The following ADGRF5 variants were observed in gnomAD, a reference collection of about 807,000 sequenced individuals.
The protein encoded by ADGRF5 is adhesion G protein-coupled receptor F5, also known as G-protein coupled receptor 116.
In ADGRF5, 75 loss-of-function variants were observed where a neutral mutation model predicts 132.3. That is an observed-to-expected ratio of 0.57 (90% CI 0.47 to 0.69). The LOEUF (loss-of-function observed/expected upper bound fraction) is 0.69, where lower values mean the gene tolerates loss of function less well. ADGRF5 is among the 30% of genes least tolerant of loss of function. ADGRF5 has a pLI of 0.00. For missense variants in ADGRF5, 1,516 were observed against 1,630.6 expected (o/e 0.93, Z 1.21); for synonymous variants, 629 against 597.6 (o/e 1.05, Z -0.77).
intron 3 of ADGRF5, among the ~76,000 whole-genome samples, chr6:46,896,600 T>C (rs1774203019): frequency 6.6e-6 from 1 of 152,088 alleles, no homozygotes; most frequent in Non-Finnish European, 1.5e-5. Context: ...TTAAAAGTAA[T>C]ATTAACATAA....
At chr6:46,892,336 T>G (rs1156658431) in intron 3 of ADGRF5, among the ~76,000 whole-genome samples, 1 of 152,212 alleles carries the variant, frequency 6.6e-6, no homozygotes, top group Non-Finnish European at 1.5e-5. Context: ...AGAACTTTGA[T>G]ATACAATTCC....
At chr6:46,896,525 T>G (rs1425847912) in intron 3 of ADGRF5, among the ~76,000 whole-genome samples, 1 of 152,176 alleles carries the variant, frequency 6.6e-6, no homozygotes, top group Non-Finnish European at 1.5e-5. Context: ...ATCGATTTTC[T>G]TTGTTTAAAT....
chr6:46,943,374 G>C (rs1329657846), intron 1 of ADGRF5, among the ~76,000 whole-genome samples: 1 of 152,128 alleles, frequency 6.6e-6, no homozygotes, highest in Non-Finnish European at 1.5e-5. Context: ...TTCACAAATA[G>C]GATATTCATT....
upstream of ADGRF5, among the ~76,000 whole-genome samples, chr6:46,925,132 C>T (rs1777185933): frequency 1.3e-5 from 2 of 152,212 alleles, no homozygotes; most frequent in Admixed American, 1.3e-4. Context: ...ATGATCTGCA[C>T]CACCTTCTCT....
chr6:46,854,310 A>G (rs1226695716), intron 20 of ADGRF5, among the ~76,000 whole-genome samples: 2 of 152,158 alleles, frequency 1.3e-5, no homozygotes, highest in African/African-American at 2.4e-5. Flanking sequence ...ACATCATACC[A>G]GCAGCCAGGT....
Position 46,853,993 on chromosome 6 carries a change from T to C in ADGRF5, c.4040A>G (p.Ter1347=), listed in dbSNP as rs1489400665. ...CACGTAGGTTGGATTATCCTGTTCT[T>C]AGTTGAGCAACGAAGAAGCACTGGA... is the stretch of plus-strand genomic sequence containing the variant. The part of the protein sequence containing the change: ...NSSSASSLLN[*] Residue 1347 remains the stop codon, a stop_retained_variant, in exon 21 of 21, where the codon TAA becomes TGA. Transcript: ENST00000283296. The C allele has an allele frequency of 6.2e-7, 1 of 1,600,610 alleles. No individual in the cohort carries two copies. The highest frequency in any genetic ancestry group is 1.4e-5 in the African/African-American group (1 of 74,004).
intron 20 of ADGRF5, 127 bp from the exon 21 acceptor site, chr6:46,854,198 C>G: frequency 1.7e-6 from 1 of 589,804 alleles, no homozygotes; most frequent in South Asian, 2.2e-5. Flanking sequence ...TGCCTGGAAA[C>G]CAACCCATAC....
At position 46,941,411 on chromosome 6, in the gene ADGRF5, G is replaced by GAAAAGAAAAGAA. The variant is rs1561838656; in HGVS notation, c.-25+13311_-25+13322dup. 5.0e-3 allele frequency among the ~76,000 whole-genome samples: 167 copies of GAAAAGAAAAGAA among 33,260 alleles called. 2 individuals are homozygous for GAAAAGAAAAGAA. The highest frequency in any genetic ancestry group is 0.021 in the East Asian group (15 of 716). The allele number at this position is 33,260 out of a possible 152,430, so 21.8% of individuals were successfully genotyped here. A position where few individuals can be genotyped will look rare whatever the true frequency, so the allele number is the denominator to read the frequency against. ...ACAAAGAAAAGAAAAGAAAAGAAAA[G>GAAAAGAAAAGAA]AAAAGAAAAGAAAAGAAAAGAAAAG... On this transcript the variant is annotated intron_variant, in intron 1 of 20. Transcript: ENST00000265417.
chr6:46,853,886 C>T lies in ADGRF5; in HGVS notation c.*106G>A. On this transcript the variant is annotated 3_prime_UTR_variant, in exon 21 of 21. Coordinates refer to ENST00000283296, the MANE Select transcript of ADGRF5 (RefSeq NM_001098518.2). ...GAAAAAGTCTTTTTGGCATCTGCTC[C>T]CGGAAACCTGCCCCGAGAACACGTT... 1 of 748,186 alleles carries T rather than the reference C, an allele frequency of 1.3e-6. No homozygotes were observed. The highest frequency in any genetic ancestry group is 3.9e-4 in the Middle Eastern group (1 of 2,584). 46.3% of individuals were successfully genotyped at this position (748,186 alleles called of 1,614,324 possible). A position where few individuals can be genotyped will look rare whatever the true frequency, so the allele number is the denominator to read the frequency against.
At chr6:46,866,080 C>T in intron 13 of ADGRF5, among the ~76,000 whole-genome samples, 1 of 152,186 alleles carries the variant, frequency 6.6e-6, no homozygotes, top group East Asian at 1.9e-4. Context: ...AGGGCACCAT[C>T]TACCAGAGAG....
chr6:46,911,737 G>A (rs546049316), intron 1 of ADGRF5, among the ~76,000 whole-genome samples: 4 of 152,038 alleles, frequency 2.6e-5, no homozygotes, highest in African/African-American at 9.7e-5. Flanking sequence ...ATTCATTTGT[G>A]TATTCCTTTA....
intron 1 of ADGRF5, among the ~76,000 whole-genome samples, chr6:46,941,463 AAAGAAAGAAAAGAAAAG>A (rs1778081483): frequency 2.2e-5 from 1 of 45,076 alleles, no homozygotes; most frequent in African/African-American, 6.2e-5. Context: ...AAAGAAAAGA[AAAGAAAGAAAAGAAAAG>A]AAAAGAAAGA....
chr6:46,947,389 G>T (rs9381493), intron 1 of ADGRF5, among the ~76,000 whole-genome samples: 75,808 of 152,104 alleles, frequency 0.5, 20,134 homozygotes, highest in East Asian at 0.65. Flanking sequence ...AATGCAATAC[G>T]TTTTGTGCTT....
intron 1 of ADGRF5, among the ~76,000 whole-genome samples, chr6:46,912,401 C>T (rs1776027850): frequency 6.6e-6 from 1 of 152,022 alleles, no homozygotes; most frequent in East Asian, 1.9e-4. Context: ...TGTGAAAAGG[C>T]CCTGAGGTGA....
chr6:46,951,350 C>G (rs1185101915), intron 1 of ADGRF5, among the ~76,000 whole-genome samples: 2 of 152,200 alleles, frequency 1.3e-5, no homozygotes, highest in African/African-American at 2.4e-5. Flanking sequence ...AAATAGCTGT[C>G]CCTTGAGAGC....
upstream of ADGRF5, among the ~76,000 whole-genome samples, chr6:46,922,218 T>C (rs1303984943): frequency 6.6e-6 from 1 of 152,222 alleles, no homozygotes; most frequent in Non-Finnish European, 1.5e-5. Context: ...TTTTAAAAGA[T>C]GACCACTAAA....
At chr6:46,856,988 G>C (rs1769130891) in intron 17 of ADGRF5, 80 bp from the exon 18 acceptor site, 1 of 1,108,008 alleles carries the variant, frequency 9.0e-7, no homozygotes, top group African/African-American at 1.5e-5. Flanking sequence ...TGTTAACCTG[G>C]TGTTAAATTT....
intron 1 of ADGRF5, among the ~76,000 whole-genome samples, chr6:46,919,717 G>A (rs1446449631): frequency 6.6e-6 from 1 of 152,232 alleles, no homozygotes; most frequent in Non-Finnish European, 1.5e-5. Context: ...ATCTGGAGAA[G>A]GGACAAAGGC....
intron 1 of ADGRF5, among the ~76,000 whole-genome samples, chr6:46,918,244 C>G (rs1776595055): frequency 6.6e-6 from 1 of 152,142 alleles, no homozygotes; most frequent in African/African-American, 2.4e-5. Flanking sequence ...TATTAGAGCA[C>G]CTACTCTGTG....
Sources: allele counts gnomAD v4.1 joint callset (sites outside exome capture counted in the v4.1 genomes callset), GRCh38; gene constraint gnomAD v4.1.1; transcripts MANE v1.5; gene names NCBI Gene and HGNC (gene_info 2026-07-23, HGNC 2026-07-21).